LRRC4C: variants seen among roughly 807,000 people sequenced by gnomAD.
LRRC4C encodes leucine rich repeat containing 4C, also known as leucine-rich repeat-containing protein 4C.
Under a neutral mutation model 33.6 loss-of-function variants are expected in LRRC4C, and 5 were observed. The ratio of observed to expected loss-of-function variants is 0.15; its 90% CI spans 0.08 to 0.31. The LOEUF is 0.31. LRRC4C is among the 10% of genes least tolerant of loss of function. The pLI, the probability that LRRC4C is intolerant of heterozygous loss-of-function variation, is 1.00. For missense variants in LRRC4C, 560 were observed against 796.7 expected (o/e 0.70, Z 3.58); for synonymous variants, 329 against 302.0 (o/e 1.09, Z -0.93).
At chr11:41,281,068 C>CTCTCTCTCTCTCTG (rs1949651180) in intron 1 of LRRC4C, among the ~76,000 whole-genome samples, 2 of 136,894 alleles carry the variant, frequency 1.5e-5, no homozygotes, top group Non-Finnish European at 3.1e-5. Flanking sequence ...CTCTCTCTCT[C>CTCTCTCTCTCTCTG]TCTCTCTGTC....
At chr11:40,960,482 T>A (rs1292708999) in intron 1 of LRRC4C, among the ~76,000 whole-genome samples, 1 of 151,744 alleles carries the variant, frequency 6.6e-6, no homozygotes, top group Admixed American at 6.6e-5. Context: ...ATTCAAACAA[T>A]TCTGTGGGAA....
intron 2 of LRRC4C, among the ~76,000 whole-genome samples, chr11:40,869,300 A>T (rs531487960): frequency 1.3e-5 from 2 of 152,240 alleles, no homozygotes; most frequent in Middle Eastern, 3.4e-3. Context: ...ATTATTATTG[A>T]AGACCTATTG....
At chr11:41,041,450 A>G (rs1857428606) in intron 1 of LRRC4C, among the ~76,000 whole-genome samples, 2 of 152,184 alleles carry the variant, frequency 1.3e-5, no homozygotes, top group South Asian at 2.1e-4. Flanking sequence ...ATTGCCATAC[A>G]GTACTGTTCC....
intron 3 of LRRC4C, among the ~76,000 whole-genome samples, chr11:40,474,680 T>C (rs577954657): frequency 4.6e-5 from 7 of 152,228 alleles, no homozygotes; most frequent in African/African-American, 1.7e-4. Flanking sequence ...TTGCAATTTA[T>C]TCATCTGACA....
chr11:40,424,687 C>T (rs1443435507), intron 3 of LRRC4C, among the ~76,000 whole-genome samples: 1 of 152,100 alleles, frequency 6.6e-6, no homozygotes, highest in Non-Finnish European at 1.5e-5. Context: ...CCACGTGTAA[C>T]AATATGGAAT....
intron 4 of LRRC4C, among the ~76,000 whole-genome samples, chr11:40,254,778 G>A (rs1306997681): frequency 6.6e-6 from 1 of 152,100 alleles, no homozygotes; most frequent in Non-Finnish European, 1.5e-5. Flanking sequence ...GACAGAAAGA[G>A]ACAATCAAAA....
intron 5 of LRRC4C, among the ~76,000 whole-genome samples, chr11:40,201,769 C>T (rs954304921): frequency 4.6e-5 from 7 of 152,128 alleles, no homozygotes; most frequent in Non-Finnish European, 1.0e-4. Context: ...GTGCTTGTCT[C>T]CACAGCTACA....
At chr11:40,186,592 CTA>C (rs1194701658) in intron 5 of LRRC4C, among the ~76,000 whole-genome samples, 1 of 152,178 alleles carries the variant, frequency 6.6e-6, no homozygotes, top group Non-Finnish European at 1.5e-5. Flanking sequence ...GACGCCTAGT[CTA>C]TGAGTCTACA....
At chr11:40,308,794 G>C (rs1046017270) in intron 4 of LRRC4C, among the ~76,000 whole-genome samples, 7 of 152,178 alleles carry the variant, frequency 4.6e-5, no homozygotes, top group Non-Finnish European at 8.8e-5. Flanking sequence ...CGGAAGTAGA[G>C]CTATGAGATT....
At chr11:40,294,430 T>C (rs1944404835) in intron 4 of LRRC4C, among the ~76,000 whole-genome samples, 1 of 152,022 alleles carries the variant, frequency 6.6e-6, no homozygotes, top group Admixed American at 6.5e-5. Flanking sequence ...AAATCACCAC[T>C]AAGATTCAAA....
chr11:40,258,878 C>A (rs900682167), intron 4 of LRRC4C, among the ~76,000 whole-genome samples: 2 of 152,146 alleles, frequency 1.3e-5, no homozygotes, highest in Admixed American at 1.3e-4. Context: ...ACCAACACAT[C>A]ACCATAAGGA....
intron 1 of LRRC4C, among the ~76,000 whole-genome samples, chr11:41,438,070 TAATAAAAAA>T (rs1565673235): frequency 6.7e-6 from 1 of 148,558 alleles, no homozygotes. Flanking sequence ...AATAAATAAA[TAATAAAAAA>T]AAATAATTAC....
rs184225580 is a variant in LRRC4C, at chr11:40,400,226, G to A, written c.-269-80505C>T. Among the ~76,000 whole-genome samples the A allele has an allele frequency of 6.6e-5, 10 of 152,172 alleles. No individual in the cohort carries two copies. In the East Asian group the frequency reaches 1.7e-3, roughly 27 times the overall value. ...CACACAGAGGTTTCTCTATCACTCG[G>A]ATGCGGTTGCAGCATAGGCTGCAAA... On this transcript the variant is annotated intron_variant, in intron 3 of 6. Transcript: ENST00000528697.
At chr11:41,225,869 G>T (rs184019828) in intron 1 of LRRC4C, among the ~76,000 whole-genome samples, 384 of 152,176 alleles carry the variant, frequency 2.5e-3, no homozygotes, top group Middle Eastern at 0.01. Flanking sequence ...ATCACAGGAG[G>T]ATATTTAATG....
chr11:41,248,818 A>AT (rs1169639122), intron 1 of LRRC4C, among the ~76,000 whole-genome samples: 1 of 152,202 alleles, frequency 6.6e-6, no homozygotes, highest in Non-Finnish European at 1.5e-5. Context: ...GACATGCTTT[A>AT]TATCTACTCT....
intron 1 of LRRC4C, among the ~76,000 whole-genome samples, chr11:41,034,940 G>A (rs1037893942): frequency 2.0e-5 from 3 of 149,072 alleles, no homozygotes; most frequent in Non-Finnish European, 4.5e-5. Context: ...GGGGTCGTTG[G>A]TATTTTATTT....
intron 2 of LRRC4C, among the ~76,000 whole-genome samples, chr11:40,890,916 T>C (rs913856104): frequency 6.6e-6 from 1 of 152,140 alleles, no homozygotes; most frequent in African/African-American, 2.4e-5. Context: ...GAATTTGAAC[T>C]GAATTCAAAT....
chr11:40,889,826 T>C (rs994770688), intron 2 of LRRC4C, among the ~76,000 whole-genome samples: 59 of 152,128 alleles, frequency 3.9e-4, no homozygotes, highest in Non-Finnish European at 2.2e-4. Context: ...GGTTGCAAAA[T>C]AGGCATAATA....
chr11:40,818,375 T>C (rs1951790410), intron 2 of LRRC4C, among the ~76,000 whole-genome samples: 2 of 152,124 alleles, frequency 1.3e-5, no homozygotes, highest in South Asian at 2.1e-4. Context: ...AGTGTGTGAA[T>C]AGGTACCTAA....
Sources: allele counts gnomAD v4.1 joint callset (sites outside exome capture counted in the v4.1 genomes callset), GRCh38; gene constraint gnomAD v4.1.1; transcripts MANE v1.5; gene names NCBI Gene and HGNC (gene_info 2026-07-23, HGNC 2026-07-21).